Variants in MYCT1 observed in about 807,000 individuals in gnomAD.
MYCT1 encodes the protein myc target protein 1.
A neutral mutation model predicts 15.0 loss-of-function variants in MYCT1; 12 were observed. The observed-to-expected ratio is 0.80, with a 90% CI of 0.51 to 1.29. MYCT1 has a LOEUF of 1.29. Ranked by LOEUF, MYCT1 falls within the 50% of genes most tolerant of loss-of-function variation. MYCT1 has a pLI of 0.00. For missense variants in MYCT1, 287 were observed against 279.1 expected, an observed-to-expected ratio of 1.03 and a Z score of -0.20; for synonymous variants, 104 against 102.7, an observed-to-expected ratio of 1.01 and a Z score of -0.07.
intron 1 of MYCT1, among the ~76,000 whole-genome samples, chr6:152,708,594 T>C (rs1291144218): frequency 6.6e-6 from 1 of 152,086 alleles, no homozygotes; most frequent in Non-Finnish European, 1.5e-5. Flanking sequence ...ATTATAATTA[T>C]TACATATTAA....
At chr6:152,739,649 C>T in the MYCT1 span, among the ~76,000 whole-genome samples, 14 of 151,770 alleles carry the variant, frequency 9.2e-5, no homozygotes, top group African/African-American at 3.4e-4. Flanking sequence ...TTTTTTTAGG[C>T]ATTTAATATT....
In MYCT1 at chr6:152,722,046, C is replaced by G. The variant is rs1489342929; in HGVS notation, c.501C>G (p.Phe167Leu). ...PRKSSFRAST[F>L]HPFLQCPPLP... ...AATCAAGTTTCAGAGCTTCTACTTT[C>G]CATCCCTTTCTGCAATGTCCACCAC... Residue 167 changes from phenylalanine (F) to leucine (L), a missense_variant, in exon 2 of 2, where the codon TTC (phenylalanine) becomes TTG (leucine). Phe to Leu is a conservative substitution (Grantham distance 22). Coordinates refer to ENST00000367245, the MANE Select transcript of MYCT1 (RefSeq NM_025107.3). 6.2e-7 allele frequency: 1 copy of G among 1,614,136 alleles called. No individual in the cohort carries two copies. The highest frequency in any genetic ancestry group is 2.2e-5 in the East Asian group (1 of 44,872).
the MYCT1 span, among the ~76,000 whole-genome samples, chr6:152,747,051 CTAA>C: frequency 6.6e-6 from 1 of 151,846 alleles, no homozygotes; most frequent in Non-Finnish European, 1.5e-5. Context: ...CATCAAATCA[CTAA>C]TATGACAAGA....
intron 1 of MYCT1, among the ~76,000 whole-genome samples, chr6:152,698,986 G>A (rs1200921162): frequency 6.6e-6 from 1 of 152,088 alleles, no homozygotes; most frequent in Non-Finnish European, 1.5e-5. Flanking sequence ...TATATTAAAG[G>A]AGGCAATTTA....
rs1440098777 is a variant in MYCT1, at chr6:152,722,549, A to G, written c.*296A>G. 3.7e-6 allele frequency: 1 copy of G among 269,744 alleles called. No homozygotes were observed. Among genetic ancestry groups the G allele is most frequent in the Admixed American group, 4.9e-5 (1 of 20,300 alleles). The allele number at this position is 269,744 out of a possible 1,614,324, so 16.7% of individuals were successfully genotyped here. A position where few individuals can be genotyped will look rare whatever the true frequency, so the allele number is the denominator to read the frequency against. ...CTAATGTAAGAATCAGCTAAGATGC[A>G]TTATATATATTTTAATTAAAATTAA... is the stretch of plus-strand genomic sequence containing the variant. On this transcript the variant is annotated 3_prime_UTR_variant, in exon 2 of 2. Coordinates refer to ENST00000367245, the MANE Select transcript of MYCT1 (RefSeq NM_025107.3).
intron 1 of MYCT1, among the ~76,000 whole-genome samples, chr6:152,717,918 A>G (rs1198317161): frequency 6.6e-6 from 1 of 152,132 alleles, no homozygotes; most frequent in African/African-American, 2.4e-5. Context: ...CTTTATATTC[A>G]TTCAAAATTT....
downstream of MYCT1, among the ~76,000 whole-genome samples, chr6:152,726,412 A>G (rs560031881): frequency 1.3e-4 from 19 of 151,744 alleles, no homozygotes; most frequent in South Asian, 6.3e-4. Flanking sequence ...AAAAAAAAAA[A>G]AGAGAATGGC....
chr6:152,702,676 G>T (rs2099721528), intron 1 of MYCT1, among the ~76,000 whole-genome samples: 1 of 152,164 alleles, frequency 6.6e-6, no homozygotes, highest in Non-Finnish European at 1.5e-5. Flanking sequence ...TATGGCCTGG[G>T]CATATGTCCC....
At chr6:152,721,619 C>T in intron 1 of MYCT1, 123 bp from the exon 2 acceptor site, 1 of 893,790 alleles carries the variant, frequency 1.1e-6, no homozygotes, top group Non-Finnish European at 1.7e-6. Context: ...CTTCTATTTC[C>T]CTAATTCAAA....
the MYCT1 span, among the ~76,000 whole-genome samples, chr6:152,740,793 G>C: frequency 2.6e-5 from 4 of 151,938 alleles, no homozygotes; most frequent in African/African-American, 9.7e-5. Context: ...AATTTACAGC[G>C]TATTTAGTTA....
chr6:152,720,185 ATG>A (rs58642374), intron 1 of MYCT1, among the ~76,000 whole-genome samples: 1,724 of 151,986 alleles, frequency 0.011, 35 homozygotes, highest in African/African-American at 0.039. Context: ...TTCCTGGGCC[ATG>A]TGTCTCTCAT....
chr6:152,745,326 A>C, the MYCT1 span, among the ~76,000 whole-genome samples: 1 of 152,144 alleles, frequency 6.6e-6, no homozygotes, highest in Admixed American at 6.5e-5. Flanking sequence ...TGCCAGGTGC[A>C]GTGGCTCACA....
intron 1 of MYCT1, among the ~76,000 whole-genome samples, chr6:152,702,237 A>C (rs890875200): frequency 6.6e-6 from 1 of 152,124 alleles, no homozygotes; most frequent in Non-Finnish European, 1.5e-5. Context: ...ATTCTTTCCT[A>C]TACTGTTTAT....
At chr6:152,724,641 A>C (rs1218494535), downstream of MYCT1, 1 of 152,168 alleles carries the variant, frequency 6.6e-6, no homozygotes, top group African/African-American at 2.4e-5. Flanking sequence ...GAAATTATAA[A>C]ATTCAGATTA....
At chr6:152,702,156 A>G (rs1402678427) in intron 1 of MYCT1, among the ~76,000 whole-genome samples, 4 of 152,246 alleles carry the variant, frequency 2.6e-5, no homozygotes, top group Middle Eastern at 3.4e-3. Flanking sequence ...TATTCTATAT[A>G]GCTCTTCTCT....
intron 1 of MYCT1, among the ~76,000 whole-genome samples, chr6:152,704,639 C>T (rs1361717261): frequency 6.6e-6 from 1 of 152,112 alleles, no homozygotes; most frequent in Non-Finnish European, 1.5e-5. Flanking sequence ...TGAAACTATA[C>T]AATATATTAT....
downstream of MYCT1, among the ~76,000 whole-genome samples, chr6:152,725,509 C>T (rs1448135413): frequency 1.3e-5 from 2 of 152,286 alleles, no homozygotes; most frequent in Middle Eastern, 3.4e-3. Context: ...TGGTCTCAAA[C>T]TCCTGGCTTC....
chr6:152,707,325 G>C (rs1453156910), intron 1 of MYCT1, among the ~76,000 whole-genome samples: 1 of 151,884 alleles, frequency 6.6e-6, no homozygotes, highest in Non-Finnish European at 1.5e-5. Context: ...GTCTATTCAG[G>C]TCCTTTGCTC....
intron 1 of MYCT1, among the ~76,000 whole-genome samples, chr6:152,719,799 C>T (rs938880908): frequency 6.6e-6 from 1 of 152,098 alleles, no homozygotes; most frequent in African/African-American, 2.4e-5. Flanking sequence ...TTATAGATTA[C>T]AATATGCTAA....
Sources: allele counts gnomAD v4.1 joint callset (sites outside exome capture counted in the v4.1 genomes callset), GRCh38; gene constraint gnomAD v4.1.1; transcripts MANE v1.5; gene names NCBI Gene and HGNC (gene_info 2026-07-23, HGNC 2026-07-21).